Variants in PCYT1B observed in about 807,000 individuals in gnomAD.
PCYT1B encodes choline-phosphate cytidylyltransferase B.
In PCYT1B, 10 loss-of-function variants were observed where a neutral mutation model predicts 26.4. The ratio of observed to expected loss-of-function variants is 0.38; its 90% CI spans 0.23 to 0.64. The LOEUF (loss-of-function observed/expected upper bound fraction) is 0.64, where lower values mean the gene tolerates loss of function less well. Among genes scored for constraint, PCYT1B ranks in the 30% least tolerant of loss-of-function variants. The probability of loss-of-function intolerance (pLI) is 0.56; values close to 1 mark genes in which losing one functional copy is unlikely to be tolerated. For missense variants in PCYT1B, 161 were observed against 292.7 expected, an observed-to-expected ratio of 0.55 and a Z score of 3.28; for synonymous variants, 131 against 108.4, an observed-to-expected ratio of 1.21 and a Z score of -1.29.
At chrX:24,648,200 G>A (rs1437046812), upstream of PCYT1B, among the ~76,000 whole-genome samples, 2 of 111,442 alleles carry the variant, frequency 1.8e-5, no homozygotes, top group African/African-American at 6.5e-5. Context: ...CACATTTTAA[G>A]AGGAGCATTC....
At chrX:24,652,945 C>T (rs1050738041) in intron 1 of PCYT1B, among the ~76,000 whole-genome samples, 1 of 110,514 alleles carries the variant, frequency 9.0e-6, no homozygotes, top group African/African-American at 3.3e-5. Flanking sequence ...ATTAGTTAGG[C>T]GTGGTGGCAC....
At position 24,579,955 on chromosome X, in the gene PCYT1B, A is replaced by G. The variant is rs756171462; in HGVS notation, c.566-497T>C. ...TTTCGAAGGCCGAGGCAGGCAGACC[A>G]TTTGAGTCCAGGAGTTCGAGATCAG... On this transcript the variant is annotated intron_variant, in intron 5 of 7. Transcript: ENST00000379144. Among the ~76,000 whole-genome samples, 6 of 112,051 alleles carry G rather than the reference A, an allele frequency of 5.4e-5. No individual in the cohort carries two copies. In the South Asian group the frequency reaches 2.3e-3, roughly 42 times the overall value.
In PCYT1B at chrX:24,563,999, T is replaced by C. The variant is rs750316857; in HGVS notation, c.898-1494A>G. ...GAGATCGAGACCATCCTGGCCAACA[T>C]GGTGAAACCCTTTCTCTACTAAAAT... On this transcript the variant is annotated intron_variant, in intron 7 of 7. Coordinates refer to ENST00000379144, the MANE Select transcript of PCYT1B (RefSeq NM_004845.5). Among the ~76,000 whole-genome samples the C allele has an allele frequency of 2.7e-5, 3 of 110,756 alleles. No homozygotes were observed. In the Admixed American group the frequency reaches 2.9e-4, roughly 11 times the overall value.
At chrX:24,650,721 C>T (rs1926746537), upstream of PCYT1B, among the ~76,000 whole-genome samples, 1 of 112,243 alleles carries the variant, frequency 8.9e-6, no homozygotes, top group African/African-American at 3.2e-5. Context: ...TCAGTATATG[C>T]TAACAGCCTT....
At chrX:24,649,316 G>A (rs1367787976), upstream of PCYT1B, among the ~76,000 whole-genome samples, 1 of 111,787 alleles carries the variant, frequency 8.9e-6, no homozygotes, top group East Asian at 2.8e-4. Flanking sequence ...GGTTCTCAAA[G>A]TGTACTTCTC....
At chrX:24,566,085 G>T (rs975850943) in intron 7 of PCYT1B, among the ~76,000 whole-genome samples, 2 of 112,213 alleles carry the variant, frequency 1.8e-5, no homozygotes, top group African/African-American at 6.5e-5. Flanking sequence ...GTTACAGCTA[G>T]TGAGGGCTCA....
At chrX:24,621,340 G>A (rs974143365) in intron 1 of PCYT1B, among the ~76,000 whole-genome samples, 13 of 111,589 alleles carry the variant, frequency 1.2e-4, no homozygotes, top group Non-Finnish European at 1.1e-4. Flanking sequence ...GATAATATGT[G>A]TAACATACCT....
intron 2 of PCYT1B, among the ~76,000 whole-genome samples, chrX:24,608,816 A>C (rs1287943553): frequency 8.9e-6 from 1 of 112,058 alleles, no homozygotes; most frequent in East Asian, 2.8e-4. Flanking sequence ...TGGTAGACAA[A>C]GCAAGTCACA....
chrX:24,637,487 A>ATATATATATATATATATAT (rs1218518627), intron 1 of PCYT1B, among the ~76,000 whole-genome samples: 2 of 56,165 alleles, frequency 3.6e-5, no homozygotes, highest in Non-Finnish European at 5.4e-5. Flanking sequence ...ACTAAAAAAA[A>ATATATATATATATATATAT]AAAAATATAT....
chrX:24,671,158 G>A (rs968866197), intron 1 of PCYT1B, among the ~76,000 whole-genome samples: 11 of 110,397 alleles, frequency 1.0e-4, no homozygotes, highest in Non-Finnish European at 1.7e-4. Flanking sequence ...TTAGTCGCGA[G>A]GGGGTTTCAC....
chrX:24,588,396 C>T (rs1464682216), intron 4 of PCYT1B, among the ~76,000 whole-genome samples: 1 of 111,460 alleles, frequency 9.0e-6, no homozygotes, highest in African/African-American at 3.3e-5. Context: ...CATCCTCATG[C>T]CTGCTCATCT....
chrX:24,575,950 G>A (rs1392970553), intron 6 of PCYT1B, among the ~76,000 whole-genome samples: 4 of 112,334 alleles, frequency 3.6e-5, no homozygotes, highest in African/African-American at 1.3e-4. Flanking sequence ...CTGCAGCAAT[G>A]TCTACTTATG....
chrX:24,582,872 C>T (rs1924249489), intron 5 of PCYT1B, among the ~76,000 whole-genome samples: 1 of 111,905 alleles, frequency 8.9e-6, no homozygotes, highest in African/African-American at 3.2e-5. Flanking sequence ...TGAATTCTGG[C>T]CTTCTCTACC....
chrX:24,571,319 G>T (rs773475621), intron 7 of PCYT1B, among the ~76,000 whole-genome samples: 1 of 111,246 alleles, frequency 9.0e-6, no homozygotes, highest in African/African-American at 3.3e-5. Context: ...AACCGAGATC[G>T]CGCCATTGCA....
chrX:24,588,154 A>ATG (rs370978600), intron 4 of PCYT1B, among the ~76,000 whole-genome samples: 1,208 of 108,402 alleles, frequency 0.011, 25 homozygotes, highest in African/African-American at 0.035. Flanking sequence ...TTCTGCTGGG[A>ATG]TGTGTGTGTG....
chrX:24,586,017 G>T (rs1924361372), intron 5 of PCYT1B, among the ~76,000 whole-genome samples: 1 of 111,383 alleles, frequency 9.0e-6, no homozygotes, highest in African/African-American at 3.3e-5. Context: ...ACATTAACAT[G>T]TTTATTTTCT....
At chrX:24,589,363 G>A (rs1012736181) in intron 4 of PCYT1B, among the ~76,000 whole-genome samples, 5 of 111,469 alleles carry the variant, frequency 4.5e-5, no homozygotes, top group African/African-American at 1.6e-4. Flanking sequence ...CCTAATGTGG[G>A]GCTGGTAGGG....
At chrX:24,631,232 G>GT (rs1193023068) in intron 1 of PCYT1B, among the ~76,000 whole-genome samples, 1 of 111,683 alleles carries the variant, frequency 9.0e-6, no homozygotes, top group Admixed American at 9.5e-5. Flanking sequence ...AGAAAGTCCT[G>GT]TTTTTTTATG....
At chrX:24,613,008 T>C (rs112446409) in intron 2 of PCYT1B, among the ~76,000 whole-genome samples, 16 of 112,093 alleles carry the variant, frequency 1.4e-4, no homozygotes, top group African/African-American at 3.9e-4. Context: ...GCATCAACCC[T>C]ATGAGGGAGC....
Sources: gnomAD v4.1 joint callset for allele counts (sites outside exome capture counted in the v4.1 genomes callset) on GRCh38, gnomAD v4.1.1 for gene constraint, MANE v1.5 for transcripts, NCBI Gene and HGNC (gene_info 2026-07-23, HGNC 2026-07-21) for gene names.